The following ZFHX3 variants were observed in gnomAD, a reference collection of about 807,000 sequenced individuals.
The protein encoded by ZFHX3 is zinc finger homeobox 3.
In ZFHX3, 42 loss-of-function variants were observed where a neutral mutation model predicts 279.1. The ratio of observed to expected loss-of-function variants is 0.15; its 90% CI spans 0.12 to 0.19. The LOEUF is 0.19. Ranked by LOEUF, ZFHX3 falls within the 10% of genes least tolerant of loss-of-function variation. The pLI is 1.00. For missense variants in ZFHX3, 4,981 were observed against 4,754.0 expected (o/e 1.05, Z -1.40); for synonymous variants, 2,293 against 1,957.8 (o/e 1.17, Z -4.52).
chr16:73,274,040 A>T (rs2143036657), intron 4 of ZFHX3, among the ~76,000 whole-genome samples: 1 of 152,314 alleles, frequency 6.6e-6, no homozygotes, highest in South Asian at 2.1e-4. Context: ...GCTACTCGGG[A>T]GGCTGAGGCA....
intron 4 of ZFHX3, among the ~76,000 whole-genome samples, chr16:73,282,517 T>C (rs568971611): frequency 1.3e-5 from 2 of 152,358 alleles, no homozygotes; most frequent in South Asian, 4.1e-4. Context: ...GTCTTTATAT[T>C]GATCACTTTT....
rs35466869 is a variant in ZFHX3, at chr16:72,959,216, G to A, written c.930C>T (p.Ser310=). 2.9e-5 allele frequency: 46 copies of A among 1,614,026 alleles called. No homozygotes were observed. The highest frequency in any genetic ancestry group is 1.8e-4 in the East Asian group (8 of 44,882). ...HAVHDHRMTL[S]EDERKILSNK... The stretch of plus-strand genomic sequence containing the variant: ...TGCTAAGAATTTTCCGCTCGTCTTC[G>A]CTCAGGGTCATTCGATGGTCATGCA... Residue 310 remains serine, a synonymous_variant, in exon 2 of 10, where the codon AGC becomes AGT. Coordinates refer to ENST00000268489, the MANE Select transcript of ZFHX3 (RefSeq NM_006885.4).
chr16:73,225,654 G>T (rs575911298), intron 5 of ZFHX3, among the ~76,000 whole-genome samples: 1 of 152,062 alleles, frequency 6.6e-6, no homozygotes, highest in Admixed American at 6.5e-5. Context: ...GGGCATATCC[G>T]CCACAAGCTG....
At chr16:73,564,981 G>C (rs773703291) in intron 2 of ZFHX3, among the ~76,000 whole-genome samples, 1 of 152,140 alleles carries the variant, frequency 6.6e-6, no homozygotes, top group African/African-American at 2.4e-5. Context: ...GGCCAGGCAC[G>C]GTGGCTCATG....
intron 1 of ZFHX3, among the ~76,000 whole-genome samples, chr16:73,880,457 T>G (rs191080882): frequency 7.7e-4 from 118 of 152,284 alleles, no homozygotes; most frequent in African/African-American, 2.6e-3. Flanking sequence ...AATTTGCAAC[T>G]TCAATGTGGA....
chr16:73,751,199 T>A (rs1304108335), intron 1 of ZFHX3, among the ~76,000 whole-genome samples: 1 of 152,190 alleles, frequency 6.6e-6, no homozygotes, highest in Non-Finnish European at 1.5e-5. Context: ...AAGAAGTCCT[T>A]GAATCCATGG....
Position 72,788,306 on chromosome 16 carries a change from G to C in ZFHX3, c.9970C>G (p.Pro3324Ala). The C allele has an allele frequency of 6.2e-7, 1 of 1,614,176 alleles. No individual in the cohort carries two copies. The highest frequency in any genetic ancestry group is 8.5e-7 in the Non-Finnish European group (1 of 1,180,038). Residue 3324 changes from proline (P) to alanine (A), a missense_variant, in exon 10 of 10, where the codon CCT becomes GCT. Pro to Ala is a conservative substitution (Grantham distance 27). Coordinates refer to ENST00000268489, the MANE Select transcript of ZFHX3 (RefSeq NM_006885.4). ...GFSPYYAPQIPGALQSGYLQP... is the reference protein window; with the variant it reads ...GFSPYYAPQIAGALQSGYLQP... ...AGGTACCCGCTCTGCAGGGCGCCAG[G>C]GATCTGGGGAGCATAATAAGGAGAA...
At chr16:73,816,270 G>A (rs1252292946) in intron 1 of ZFHX3, among the ~76,000 whole-genome samples, 1 of 152,138 alleles carries the variant, frequency 6.6e-6, no homozygotes, top group African/African-American at 2.4e-5. Context: ...ACTGAGTCAT[G>A]AAACATTAAA....
chr16:73,356,984 C>T (rs2016352884), intron 3 of ZFHX3, among the ~76,000 whole-genome samples: 2 of 151,828 alleles, frequency 1.3e-5, no homozygotes, highest in African/African-American at 4.8e-5. Flanking sequence ...GAGTGTGTGC[C>T]CCATACCACC....
chr16:73,778,837 T>C (rs927248638), intron 1 of ZFHX3, among the ~76,000 whole-genome samples: 6 of 152,224 alleles, frequency 3.9e-5, no homozygotes, highest in Non-Finnish European at 8.8e-5. Flanking sequence ...AGTCTGTGCC[T>C]GAGCCGAAGA....
chr16:73,835,043 C>T (rs1465443893), intron 1 of ZFHX3, among the ~76,000 whole-genome samples: 1 of 152,134 alleles, frequency 6.6e-6, no homozygotes, highest in Non-Finnish European at 1.5e-5. Flanking sequence ...TCGGAAGTGA[C>T]TGGAAAAGGT....
At chr16:73,107,452 T>C (rs938849162) in intron 7 of ZFHX3, among the ~76,000 whole-genome samples, 4 of 152,160 alleles carry the variant, frequency 2.6e-5, no homozygotes, top group Non-Finnish European at 5.9e-5. Flanking sequence ...GGTGGGTGTT[T>C]AAATATAAGC....
Position 73,792,865 on chromosome 16 carries a change from CT to C in ZFHX3, c.-1608+98785del, listed in dbSNP as rs779615048. Among the ~76,000 whole-genome samples, 446 of 148,584 alleles carry C rather than the reference CT, an allele frequency of 3.0e-3. 2 individuals are homozygous for C. The highest frequency in any genetic ancestry group is 0.01 in the Middle Eastern group (3 of 288). On this transcript the variant is annotated intron_variant, in intron 1 of 17. Transcript: ENST00000641206. ...CTTGACCATACAGTGCACCCCCCCC[CT>C]CCCCTCTCTGCTGTGAACAAAGCCA...
At chr16:73,209,737 C>T (rs1229666943) in intron 5 of ZFHX3, among the ~76,000 whole-genome samples, 1 of 152,162 alleles carries the variant, frequency 6.6e-6, no homozygotes, top group Non-Finnish European at 1.5e-5. Context: ...GACATTCAAT[C>T]TTTTGCAATA....
chr16:73,722,864 G>A (rs2053487121), intron 1 of ZFHX3, among the ~76,000 whole-genome samples: 1 of 152,182 alleles, frequency 6.6e-6, no homozygotes, highest in Non-Finnish European at 1.5e-5. Flanking sequence ...GATAGTAAGA[G>A]AGCTAGTCAT....
intron 1 of ZFHX3, among the ~76,000 whole-genome samples, chr16:73,688,312 A>C (rs1159505308): frequency 6.7e-6 from 1 of 149,788 alleles, no homozygotes; most frequent in Non-Finnish European, 1.5e-5. Context: ...AGCTGAGATC[A>C]CACTGCTGCA....
intron 5 of ZFHX3, among the ~76,000 whole-genome samples, chr16:73,204,048 G>T (rs1331314208): frequency 3.3e-5 from 5 of 151,974 alleles, no homozygotes; most frequent in East Asian, 3.9e-4. Context: ...CGAATTTCAA[G>T]ATTTTTTTTT....
intron 1 of ZFHX3, among the ~76,000 whole-genome samples, chr16:73,755,578 T>C (rs2142275034): frequency 6.6e-6 from 1 of 152,300 alleles, no homozygotes. Flanking sequence ...GCAGTATCCT[T>C]ATAACAAGAT....
At chr16:73,555,542 T>C (rs1432125339) in intron 2 of ZFHX3, among the ~76,000 whole-genome samples, 1 of 150,456 alleles carries the variant, frequency 6.6e-6, no homozygotes, top group Admixed American at 6.6e-5. Context: ...TTTGAAAGGA[T>C]GCAGTTGGCC....
Sources: gnomAD v4.1 joint callset for allele counts (sites outside exome capture counted in the v4.1 genomes callset) on GRCh38, gnomAD v4.1.1 for gene constraint, MANE v1.5 for transcripts, NCBI Gene and HGNC (gene_info 2026-07-23, HGNC 2026-07-21) for gene names.